DNAH17: variants seen among roughly 807,000 people sequenced by gnomAD.
The protein encoded by DNAH17 is axonemal beta dynein heavy chain 17.
In DNAH17, 376 loss-of-function variants were observed where a neutral mutation model predicts 485.6. The observed-to-expected ratio is 0.77, with a 90% CI of 0.71 to 0.84. DNAH17 has a LOEUF of 0.84. DNAH17 is among the 40% of genes least tolerant of loss of function. The pLI is 0.00. For synonymous variants in DNAH17, 3,031 were observed against 2,405.9 expected, an observed-to-expected ratio of 1.26 and a Z score of -7.60; for missense variants, 6,370 against 5,839.3, an observed-to-expected ratio of 1.09 and a Z score of -2.96.
At position 78,560,609 on chromosome 17, in the gene DNAH17, T is replaced by A; in HGVS notation, c.2031+131A>T. ...TGTCTTAAATATACCCTGGACACAC[T>A]TAAGAAGTAAAGCTTTAGGCGAACT... is the stretch of plus-strand genomic sequence containing the variant. On this transcript the variant is annotated intron_variant, in intron 13 of 80. Transcript: ENST00000389840. 3 of 1,010,336 alleles carry A rather than the reference T, an allele frequency of 3.0e-6. No homozygotes were observed. In the South Asian group the frequency reaches 5.5e-5, roughly 19 times the overall value. 62.6% of individuals were successfully genotyped at this position (1,010,336 alleles called of 1,614,324 possible).
intron 71 of DNAH17, among the ~76,000 whole-genome samples, chr17:78,444,368 A>T (rs1383861964): frequency 6.6e-6 from 1 of 152,200 alleles, no homozygotes; most frequent in Non-Finnish European, 1.5e-5. Flanking sequence ...AAGGATTAAC[A>T]AGAACTCAGG....
chr17:78,550,755 C>T (rs113100135), intron 16 of DNAH17, among the ~76,000 whole-genome samples: 1,949 of 152,224 alleles, frequency 0.013, 45 homozygotes, highest in African/African-American at 0.043. Flanking sequence ...CACACAGGGC[C>T]GTTTCTGGAG....
In DNAH17 at chr17:78,519,030, T is replaced by C. The variant is rs142096129; in HGVS notation, c.3865-4008A>G. Among the ~76,000 whole-genome samples the C allele has an allele frequency of 4.6e-3, 694 of 151,838 alleles. 7 individuals carry two copies. Among genetic ancestry groups the C allele is most frequent in the African/African-American group, 0.016 (669 of 41,468 alleles). On this transcript the variant is annotated intron_variant, in intron 25 of 80. Transcript: ENST00000389840. ...AAAAATACAAAAAATTAGCCGGGCG[T>C]GGTGGCGGGCACCTGTAGTCCCAGA... is the stretch of plus-strand genomic sequence containing the variant.
At chr17:78,484,728 C>A (rs1716751121) in intron 48 of DNAH17, 140 bp downstream of exon 48, 1 of 480,930 alleles carries the variant, frequency 2.1e-6, no homozygotes, top group Non-Finnish European at 3.3e-6. Flanking sequence ...TCTCCCTACC[C>A]ACGTTGCAGC....
intron 54 of DNAH17, among the ~76,000 whole-genome samples, chr17:78,473,179 C>CA (rs1324482476): frequency 3.3e-5 from 5 of 152,200 alleles, no homozygotes; most frequent in African/African-American, 1.2e-4. Flanking sequence ...CTAGCTCCCC[C>CA]AATACAATTC....
chr17:78,429,388 G>A, intron 75 of DNAH17, 88 bp from the exon 76 acceptor site: 1 of 1,423,000 alleles, frequency 7.0e-7, no homozygotes, highest in Non-Finnish European at 9.5e-7. Flanking sequence ...GCAGGGCGTG[G>A]GAACCCAGCC....
At chr17:78,502,197 C>A in intron 33 of DNAH17, 1 of 381,774 alleles carries the variant, frequency 2.6e-6, no homozygotes, top group Non-Finnish European at 4.8e-6. Flanking sequence ...TATACACACA[C>A]AGAGTAACAG....
intron 76 of DNAH17, 141 bp from the exon 77 acceptor site, chr17:78,428,848 G>T: frequency 9.3e-7 from 1 of 1,081,034 alleles, no homozygotes; most frequent in African/African-American, 1.6e-5. Context: ...AGCCCCCTTT[G>T]TGGGCTGCCC....
At chr17:78,481,589 T>A (rs1412208158) in intron 48 of DNAH17, among the ~76,000 whole-genome samples, 1 of 152,086 alleles carries the variant, frequency 6.6e-6, no homozygotes, top group Admixed American at 6.6e-5. Flanking sequence ...ACCTGTGCAA[T>A]GGGTCATGAG....
chr17:78,430,014 C>T (rs1167460173), intron 75 of DNAH17, among the ~76,000 whole-genome samples: 2 of 152,192 alleles, frequency 1.3e-5, no homozygotes, highest in Non-Finnish European at 2.9e-5. Context: ...ACACGCCAGG[C>T]GACCACACGC....
chr17:78,426,824 G>A (rs2086487379), intron 78 of DNAH17, 102 bp downstream of exon 78: 6 of 1,412,322 alleles, frequency 4.2e-6, no homozygotes, highest in Non-Finnish European at 4.9e-6. Flanking sequence ...GCAGTACCAT[G>A]CTGATCCGGG....
At chr17:78,458,511 G>T in intron 62 of DNAH17, 54 bp downstream of exon 62, 2 of 1,483,096 alleles carry the variant, frequency 1.3e-6, no homozygotes, top group East Asian at 2.3e-5. Context: ...GTGTGGGCTT[G>T]TCCCTTTCAG....
At chr17:78,477,766 A>C (rs987632267) in intron 51 of DNAH17, among the ~76,000 whole-genome samples, 4 of 152,234 alleles carry the variant, frequency 2.6e-5, no homozygotes, top group Admixed American at 2.0e-4. Context: ...TATAAGCACC[A>C]AACTTATGTG....
At chr17:78,567,609 G>A (rs149203415) in intron 9 of DNAH17, among the ~76,000 whole-genome samples, 2 of 152,138 alleles carry the variant, frequency 1.3e-5, no homozygotes. Flanking sequence ...GCAGAGTGCC[G>A]TGTCCCGAAG....
intron 11 of DNAH17, 75 bp from the exon 12 acceptor site, chr17:78,562,055 G>C: frequency 6.8e-7 from 1 of 1,481,066 alleles, no homozygotes; most frequent in Non-Finnish European, 8.9e-7. Context: ...TGGACAAAAC[G>C]GGCAGGGCCA....
chr17:78,456,383 A>ACCCGCATTGACACCCAAGTTG (rs1378181348), intron 62 of DNAH17, among the ~76,000 whole-genome samples: 4 of 151,966 alleles, frequency 2.6e-5, no homozygotes, highest in African/African-American at 4.8e-5. Flanking sequence ...TTCCCAAGTC[A>ACCCGCATTGACACCCAAGTTG]CCCGCATTGA....
chr17:78,488,222 C>T (rs1444313920), intron 44 of DNAH17, among the ~76,000 whole-genome samples: 1 of 152,210 alleles, frequency 6.6e-6, no homozygotes, highest in Admixed American at 6.5e-5. Context: ...GCGAGACAGG[C>T]CGACTTTCTC....
At chr17:78,450,168 T>C in intron 68 of DNAH17, 86 bp downstream of exon 68, 1 of 1,519,538 alleles carries the variant, frequency 6.6e-7, no homozygotes. Flanking sequence ...CACTGCCCGA[T>C]GGCTGTGTGG....
At chr17:78,484,195 G>A (rs1480666702) in intron 48 of DNAH17, among the ~76,000 whole-genome samples, 2 of 150,112 alleles carry the variant, frequency 1.3e-5, no homozygotes, top group African/African-American at 4.9e-5. Flanking sequence ...GTTTCTCGGT[G>A]CCGTTAGGAG....
Sources: allele counts gnomAD v4.1 joint callset (sites outside exome capture counted in the v4.1 genomes callset), GRCh38; gene constraint gnomAD v4.1.1; transcripts MANE v1.5; gene names NCBI Gene and HGNC (gene_info 2026-07-23, HGNC 2026-07-21).